Variants in PTPRB observed in about 807,000 individuals in gnomAD.
The protein encoded by PTPRB is receptor-type tyrosine-protein phosphatase beta.
In PTPRB, 97 loss-of-function variants were observed where a neutral mutation model predicts 238.1. The observed-to-expected ratio is 0.41, with a 90% CI of 0.35 to 0.48. PTPRB has a LOEUF of 0.48. Among genes scored for constraint, PTPRB ranks in the 20% least tolerant of loss-of-function variants. The probability of loss-of-function intolerance (pLI) is 0.30; values close to 1 mark genes in which losing one functional copy is unlikely to be tolerated. For missense variants in PTPRB, 2,292 were observed against 2,681.9 expected, an observed-to-expected ratio of 0.85 and a Z score of 3.21; for synonymous variants, 970 against 995.4, an observed-to-expected ratio of 0.97 and a Z score of 0.48.
intron 33 of PTPRB, among the ~76,000 whole-genome samples, chr12:70,524,209 A>C (rs979915696): frequency 6.6e-6 from 1 of 151,668 alleles, no homozygotes; most frequent in Admixed American, 6.6e-5. Flanking sequence ...CCCAAGCCCA[A>C]GTGATCCTCC....
At chr12:70,612,318 C>T (rs950010660) in intron 3 of PTPRB, among the ~76,000 whole-genome samples, 1 of 152,080 alleles carries the variant, frequency 6.6e-6, no homozygotes, top group Non-Finnish European at 1.5e-5. Flanking sequence ...CATGAGAAAT[C>T]CAAGAAAACT....
chr12:70,588,396 G>C (rs1882153416), intron 8 of PTPRB, among the ~76,000 whole-genome samples: 1 of 152,184 alleles, frequency 6.6e-6, no homozygotes, highest in African/African-American at 2.4e-5. Flanking sequence ...CACTTTGGGA[G>C]GTTGAGGCGG....
At position 70,622,414 on chromosome 12, in the gene PTPRB, C is replaced by T; in HGVS notation, c.684G>A (p.Gln228=). ...CCTCTTCAGTGGTGCTGGAGAAGGG[C>T]TGAGTAGTCGACAAAACCCATGATG... ...TDTSWVLSTT[Q]PFSSTTEETG... Residue 228 remains glutamine, a synonymous_variant, in exon 3 of 34, where the codon CAG becomes CAA. Transcript: ENST00000334414. 2 of 1,612,156 alleles carry T rather than the reference C, an allele frequency of 1.2e-6. No individual in the cohort carries two copies. Among genetic ancestry groups the T allele is most frequent in the South Asian group, 1.1e-5 (1 of 90,990 alleles).
chr12:70,532,241 C>T, intron 31 of PTPRB, 71 bp from the exon 32 acceptor site: 2 of 1,454,748 alleles, frequency 1.4e-6, no homozygotes, highest in Admixed American at 2.5e-5. Context: ...TCTAGAGACT[C>T]TGGCACAATC....
chr12:70,579,538 A>G (rs1881143351), intron 10 of PTPRB, among the ~76,000 whole-genome samples: 1 of 152,046 alleles, frequency 6.6e-6, no homozygotes. Context: ...TTCTACTAAA[A>G]GTACAAAAAT....
Position 70,544,569 on chromosome 12 carries a change from T to A in PTPRB, c.5482A>T (p.Thr1828Ser). ...AGGTTAGCCTTACCTGATTCAGTAG[T>A]GATGGGTAAAGAAAAAAATGTGTCT... ...YSDTFFSLPI[T>S]TESEPLFGAI... The change falls in exon 22 of 34, where the codon ACT becomes TCT. Residue 1828 changes from threonine to serine, a missense_variant. By Grantham distance (58) the Thr-to-Ser change is moderately conservative. Coordinates refer to ENST00000334414, the MANE Select transcript of PTPRB (RefSeq NM_001109754.4). 6.2e-7 allele frequency: 1 copy of A among 1,609,522 alleles called. No homozygotes were observed. The highest frequency in any genetic ancestry group is 1.1e-5 in the South Asian group (1 of 90,834).
chr12:70,624,282 T>A (rs1885075745), intron 2 of PTPRB, among the ~76,000 whole-genome samples: 1 of 152,210 alleles, frequency 6.6e-6, no homozygotes, highest in South Asian at 2.1e-4. Context: ...TTATCTGATA[T>A]TCAAATGTAA....
At chr12:70,589,470 C>T (rs1345610517) in intron 8 of PTPRB, among the ~76,000 whole-genome samples, 2 of 152,296 alleles carry the variant, frequency 1.3e-5, no homozygotes, top group South Asian at 4.1e-4. Flanking sequence ...CTTGCTGTCA[C>T]GATTATATTG....
chr12:70,590,083 T>TTTC lies in PTPRB; in HGVS notation c.1928_1930dup (p.Gly643_Lys644insArg). 1 of 1,613,984 alleles carries TTTC rather than the reference T, an allele frequency of 6.2e-7. No individual in the cohort carries two copies. The highest frequency in any genetic ancestry group is 8.5e-7 in the Non-Finnish European group (1 of 1,179,872). ...ATCCATGACATACTGTGTTTCTTCCTTTCCCACAGTGATGTTGAGCAGCAC... is the reference window on the plus strand; with the variant it reads ...ATCCATGACATACTGTGTTTCTTCCTTTCTTCCCACAGTGATGTTGAGCAGCAC... On this transcript the variant is annotated inframe_insertion, in exon 8 of 34. Coordinates refer to ENST00000334414, the MANE Select transcript of PTPRB (RefSeq NM_001109754.4).
chr12:70,627,473 C>T (rs1885257776), intron 2 of PTPRB, among the ~76,000 whole-genome samples: 1 of 151,946 alleles, frequency 6.6e-6, no homozygotes, highest in East Asian at 1.9e-4. Context: ...TTAACTTTTT[C>T]ATAGATTAGG....
intron 2 of PTPRB, among the ~76,000 whole-genome samples, chr12:70,626,540 G>T (rs914423931): frequency 6.6e-6 from 1 of 151,826 alleles, no homozygotes; most frequent in Admixed American, 6.6e-5. Context: ...AACATGTACA[G>T]ACATTTTTTC....
At chr12:70,565,314 T>C (rs568550148) in intron 15 of PTPRB, among the ~76,000 whole-genome samples, 5 of 152,334 alleles carry the variant, frequency 3.3e-5, no homozygotes, top group Admixed American at 6.5e-5. Flanking sequence ...TTGGCTCCAA[T>C]CTGGCTTTCA....
At chr12:70,535,365 T>G (rs571680407) in intron 29 of PTPRB, among the ~76,000 whole-genome samples, 2 of 152,148 alleles carry the variant, frequency 1.3e-5, no homozygotes, top group African/African-American at 4.8e-5. Context: ...CTGGCCCTTC[T>G]TCGTTCATAT....
At chr12:70,535,406 T>G (rs1032880076) in intron 29 of PTPRB, among the ~76,000 whole-genome samples, 4 of 152,070 alleles carry the variant, frequency 2.6e-5, no homozygotes, top group African/African-American at 9.7e-5. Flanking sequence ...GTGGGCCGTG[T>G]GCCAAGAGAT....
chr12:70,570,357 T>C (rs990584245), intron 13 of PTPRB, among the ~76,000 whole-genome samples: 1 of 152,132 alleles, frequency 6.6e-6, no homozygotes, highest in Non-Finnish European at 1.5e-5. Context: ...TAATTTTATT[T>C]TATTTTTGAG....
At chr12:70,618,101 G>T (rs1362654912) in intron 3 of PTPRB, among the ~76,000 whole-genome samples, 1 of 151,832 alleles carries the variant, frequency 6.6e-6, no homozygotes, top group Non-Finnish European at 1.5e-5. Flanking sequence ...TTTGTTTTTT[G>T]TTTGTTTGTT....
intron 15 of PTPRB, among the ~76,000 whole-genome samples, chr12:70,566,155 G>T (rs1252092977): frequency 5.9e-5 from 9 of 152,092 alleles, no homozygotes; most frequent in African/African-American, 2.2e-4. Flanking sequence ...TAATAAATTT[G>T]GGTGGTATTA....
intron 8 of PTPRB, among the ~76,000 whole-genome samples, chr12:70,588,533 T>C (rs994774482): frequency 6.6e-6 from 1 of 151,972 alleles, no homozygotes; most frequent in African/African-American, 2.4e-5. Context: ...CTTGGGAGGC[T>C]GAGGCAGGAG....
intron 15 of PTPRB, among the ~76,000 whole-genome samples, chr12:70,565,224 A>C (rs189725333): frequency 6.6e-6 from 1 of 152,194 alleles, no homozygotes; most frequent in South Asian, 2.1e-4. Flanking sequence ...CTTTTATTAC[A>C]AAACAATTAC....
Sources: gnomAD v4.1 joint callset for allele counts (sites outside exome capture counted in the v4.1 genomes callset) on GRCh38, gnomAD v4.1.1 for gene constraint, MANE v1.5 for transcripts, NCBI Gene and HGNC (gene_info 2026-07-23, HGNC 2026-07-21) for gene names.